ZFPL1: variants seen among roughly 807,000 people sequenced by gnomAD.
The protein encoded by ZFPL1 is zinc finger protein-like 1.
Under a neutral mutation model 32.0 loss-of-function variants are expected in ZFPL1, and 28 were observed. The observed-to-expected ratio is 0.87, with a 90% CI of 0.65 to 1.20. The LOEUF is 1.20. Ranked by LOEUF, ZFPL1 falls within the 50% of genes most tolerant of loss-of-function variation. ZFPL1 has a pLI of 0.00. For missense variants in ZFPL1, 386 were observed against 424.8 expected (o/e 0.91, Z 0.80); for synonymous variants, 165 against 177.0 (o/e 0.93, Z 0.54).
In ZFPL1 at chr11:65,086,417, C is replaced by G. The variant is rs762631313; in HGVS notation, c.217C>G (p.Leu73Val). 4 of 1,613,992 alleles carry G rather than the reference C, an allele frequency of 2.5e-6. No individual in the cohort carries two copies. In the East Asian group the frequency reaches 8.9e-5, roughly 36 times the overall value. Residue 73 changes from leucine to valine, a missense_variant and splice_region_variant, in exon 4 of 8, where the codon CTC (leucine) becomes GTC (valine). Coordinates refer to ENST00000294258, the MANE Select transcript of ZFPL1 (RefSeq NM_006782.4). ...TCCCCTGTCTCATGGGCCCTAAGAT[C>G]TCTTTCACTGGGCCTGCCTCAATGA... Reference protein sequence around the residue: ...RETTRLVCYDLFHWACLNERA... With the variant: ...RETTRLVCYDVFHWACLNERA...
intron 1 of ZFPL1, 130 bp from the exon 2 acceptor site, chr11:65,084,553 AGGGACAGT>A: frequency 1.4e-6 from 1 of 704,020 alleles, no homozygotes; most frequent in Non-Finnish European, 2.4e-6. Flanking sequence ...CCGCATAAGG[AGGGACAGT>A]GGGCAGGAAT....
intron 1 of ZFPL1, 62 bp from the exon 2 acceptor site, chr11:65,084,629 G>A: frequency 7.1e-7 from 1 of 1,416,230 alleles, no homozygotes; most frequent in South Asian, 1.2e-5. Flanking sequence ...AAACTGGGCT[G>A]GTGAGAGCGT....
chr11:65,087,848 G>A (rs1947694782), intron 7 of ZFPL1, 80 bp from the exon 8 acceptor site: 1 of 1,398,194 alleles, frequency 7.2e-7, no homozygotes. Flanking sequence ...CTCAGGAATG[G>A]GTGGTGACCA....
At chr11:65,087,760 G>C in intron 7 of ZFPL1, 168 bp from the exon 8 acceptor site, 1 of 726,700 alleles carries the variant, frequency 1.4e-6, no homozygotes, top group Non-Finnish European at 2.2e-6. Context: ...GCCTCAGCTG[G>C]TTTGAGCTGC....
In ZFPL1 at chr11:65,087,980, C is replaced by A. The variant is rs778620874; in HGVS notation, c.799C>A (p.Leu267Met). Residue 267 changes from leucine (L) to methionine (M), a missense_variant, in exon 8 of 8, where the codon CTG (leucine) becomes ATG (methionine). Coordinates refer to ENST00000294258, the MANE Select transcript of ZFPL1 (RefSeq NM_006782.4). ...RPLTLLQRAGLLLLLGLLGFL... is the reference protein window; with the variant it reads ...RPLTLLQRAGMLLLLGLLGFL... Reference sequence around the variant, plus strand: ...GCTGACCCTGCTCCAGCGGGCGGGGCTGCTGCTACTCTTGGGACTGCTGGG... The same window carrying A: ...GCTGACCCTGCTCCAGCGGGCGGGGATGCTGCTACTCTTGGGACTGCTGGG... 1.3e-6 allele frequency: 2 copies of A among 1,591,522 alleles called. No individual in the cohort carries two copies. The highest frequency in any genetic ancestry group is 1.4e-5 in the African/African-American group (1 of 73,936).
At position 65,085,100 on chromosome 11, in the gene ZFPL1, T is replaced by C. The variant is rs774156313; in HGVS notation, c.103-15T>C. 2 of 1,612,700 alleles carry C rather than the reference T, an allele frequency of 1.2e-6. No homozygotes were observed. The highest frequency in any genetic ancestry group is 1.7e-6 in the Non-Finnish European group (2 of 1,178,750). ...CAGCCCCAGCACCAGTTGTGACATC[T>C]CTCTCCCACTCCAGTGCATCGTCCA... On this transcript the variant is annotated splice_polypyrimidine_tract_variant and intron_variant, in intron 2 of 7. Coordinates refer to ENST00000294258, the MANE Select transcript of ZFPL1 (RefSeq NM_006782.4).
At chr11:65,087,797 C>G in intron 7 of ZFPL1, 131 bp from the exon 8 acceptor site, 1 of 952,676 alleles carries the variant, frequency 1.0e-6, no homozygotes, top group Non-Finnish European at 1.5e-6. Flanking sequence ...GTGGCAGGTG[C>G]AGGAGTGATC....
intron 1 of ZFPL1, 126 bp from the exon 2 acceptor site, chr11:65,084,565 C>T (rs1358845240): frequency 9.2e-6 from 7 of 757,062 alleles, no homozygotes; most frequent in Non-Finnish European, 1.5e-5. Flanking sequence ...GGACAGTGGG[C>T]AGGAATCTGA....
At position 65,088,306 on chromosome 11, in the gene ZFPL1, G is replaced by A; in HGVS notation, c.*192G>A. On this transcript the variant is annotated 3_prime_UTR_variant, in exon 8 of 8. Coordinates refer to ENST00000294258, the MANE Select transcript of ZFPL1 (RefSeq NM_006782.4). ...TGGAGTCCCCGTGGGTCAAGCATTTGTCTTGACTTGCTTTCCTCCCGGGTC... is the reference window on the plus strand; with the variant it reads ...TGGAGTCCCCGTGGGTCAAGCATTTATCTTGACTTGCTTTCCTCCCGGGTC... 9.0e-7 allele frequency: 1 copy of A among 1,110,242 alleles called. No homozygotes were observed. The highest frequency in any genetic ancestry group is 1.3e-6 in the Non-Finnish European group (1 of 768,600). The allele number at this position is 1,110,242 out of a possible 1,614,324, so 68.8% of individuals were successfully genotyped here. A position where few individuals can be genotyped will look rare whatever the true frequency, so the allele number is the denominator to read the frequency against.
chr11:65,086,232 C>T lies in ZFPL1; in HGVS notation c.215-183C>T, dbSNP rs186622204. ...GAGCTGGACAGCTTGGTAGCACCTG[C>T]CTGGACTTAGATGGTGGTAGCCAAG... On this transcript the variant is annotated intron_variant, in intron 3 of 7. Coordinates refer to ENST00000294258, the MANE Select transcript of ZFPL1 (RefSeq NM_006782.4). The T allele has an allele frequency of 7.2e-6, 6 of 835,376 alleles. No individual in the cohort carries two copies. In the Admixed American group the frequency reaches 1.3e-4, roughly 18 times the overall value. 51.7% of individuals were successfully genotyped at this position (835,376 alleles called of 1,614,324 possible).
At chr11:65,086,133 C>A (rs1033321381) in intron 3 of ZFPL1, 4 of 535,550 alleles carry the variant, frequency 7.5e-6, no homozygotes, top group African/African-American at 5.7e-5. Context: ...ATGATGAGTG[C>A]AGGCCCAGAG....
At position 65,088,208 on chromosome 11, in the gene ZFPL1, C is replaced by T. The variant is rs997470323; in HGVS notation, c.*94C>T. The T allele has an allele frequency of 9.0e-6, 13 of 1,443,036 alleles. No individual in the cohort carries two copies. Among genetic ancestry groups the T allele is most frequent in the Non-Finnish European group, 1.2e-5 (13 of 1,059,580 alleles). 89.4% of individuals were successfully genotyped at this position (1,443,036 alleles called of 1,614,324 possible). A position where few individuals can be genotyped will look rare whatever the true frequency, so the allele number is the denominator to read the frequency against. On this transcript the variant is annotated 3_prime_UTR_variant, in exon 8 of 8. Coordinates refer to ENST00000294258, the MANE Select transcript of ZFPL1 (RefSeq NM_006782.4). ...GGCTGAGGGCACCTCTTCACTGCCC[C>T]TCTCCCTCAAGCCTAAGACACTAAG...
intron 3 of ZFPL1, chr11:65,085,995 GTTT>G: frequency 1.2e-4 from 24 of 197,486 alleles, no homozygotes; most frequent in South Asian, 3.1e-4. Flanking sequence ...TGCCACTTGT[GTTT>G]GATTATGTGC....
At position 65,088,058 on chromosome 11, in the gene ZFPL1, A is replaced by G. The variant is rs1180847640; in HGVS notation, c.877A>G (p.Ser293Gly). Residue 293 changes from serine to glycine, a missense_variant, in exon 8 of 8, where the codon AGC becomes GGC. Coordinates refer to ENST00000294258, the MANE Select transcript of ZFPL1 (RefSeq NM_006782.4). ...MSRLGRAAAD[S>G]DPNLDPLMNP... is the part of the protein sequence containing the mutation. ...TCGCCTAGGCCGGGCCGCAGCTGACAGCGATCCCAACCTGGACCCACTCAT... is the reference window on the plus strand; with the variant it reads ...TCGCCTAGGCCGGGCCGCAGCTGACGGCGATCCCAACCTGGACCCACTCAT... The G allele has an allele frequency of 2.5e-6, 4 of 1,611,512 alleles. No homozygotes were observed. In the South Asian group the frequency reaches 4.4e-5, roughly 18 times the overall value.
At chr11:65,086,129 A>G in intron 3 of ZFPL1, 1 of 511,620 alleles carries the variant, frequency 2.0e-6, no homozygotes, top group South Asian at 2.3e-5. Flanking sequence ...GAATATGATG[A>G]GTGCAGGCCC....
In ZFPL1 at chr11:65,085,219, C is replaced by T. The variant is rs749590216; in HGVS notation, c.207C>T (p.Val69=). 3 of 1,614,016 alleles carry T rather than the reference C, an allele frequency of 1.9e-6. No homozygotes were observed. The highest frequency in any genetic ancestry group is 4.5e-5 in the East Asian group (2 of 44,890). ...PLASRETTRL[V]CYDLFHWACL... ...CCAGCCGAGAGACGACCCGCCTTGT[C>T]TGCTATGGTGAGGCCTTGGCACCTC... Residue 69 remains valine (V), a synonymous_variant, in exon 3 of 8, where the codon GTC becomes GTT. Coordinates refer to ENST00000294258, the MANE Select transcript of ZFPL1 (RefSeq NM_006782.4).
At chr11:65,085,530 T>G in intron 3 of ZFPL1, 1 of 441,638 alleles carries the variant, frequency 2.3e-6, no homozygotes, top group Admixed American at 3.5e-5. Context: ...GCCGTGACTA[T>G]TAGCTAGCCA....
In ZFPL1 at chr11:65,087,342, G is replaced by A. The variant is rs902098465; in HGVS notation, c.655G>A (p.Asp219Asn). 1 of 1,614,104 alleles carries A rather than the reference G, an allele frequency of 6.2e-7. No homozygotes were observed. Among genetic ancestry groups the A allele is most frequent in the East Asian group, 2.2e-5 (1 of 44,886 alleles). ...HAPRKVYDTR[D>N]DDRTPGLHGD... ...CCCTAGGAAGGTGTATGATACGCGG[G>A]ATGATGACCGGACACCAGGCCTCCA... The change falls in exon 7 of 8, where the codon GAT becomes AAT. Residue 219 changes from aspartate to asparagine, a missense_variant. Asp to Asn is a conservative substitution (Grantham distance 23). Transcript: ENST00000294258.
Position 65,087,334 on chromosome 11 carries a change from A to G in ZFPL1, c.647A>G (p.Asp216Gly), listed in dbSNP as rs778404939. Residue 216 changes from aspartate to glycine, a missense_variant, in exon 7 of 8, where the codon GAT becomes GGT. Physicochemically the swap from Asp to Gly is moderately conservative, Grantham distance 94. Coordinates refer to ENST00000294258, the MANE Select transcript of ZFPL1 (RefSeq NM_006782.4). ...PLTHAPRKVY[D>G]TRDDDRTPGL... is the part of the protein sequence containing the mutation. ...CCTGTAGCCCCTAGGAAGGTGTATGATACGCGGGATGATGACCGGACACCA... is the reference window on the plus strand; with the variant it reads ...CCTGTAGCCCCTAGGAAGGTGTATGGTACGCGGGATGATGACCGGACACCA... 3 of 1,613,994 alleles carry G rather than the reference A, an allele frequency of 1.9e-6. No homozygotes were observed. The highest frequency in any genetic ancestry group is 1.3e-5 in the African/African-American group (1 of 74,978).
Sources: allele counts gnomAD v4.1 joint callset, GRCh38; gene constraint gnomAD v4.1.1; transcripts MANE v1.5; gene names NCBI Gene and HGNC (gene_info 2026-07-23, HGNC 2026-07-21).